MFF: variants seen among roughly 807,000 people sequenced by gnomAD.
The protein encoded by MFF is mitochondrial fission factor, also known as chromosome 2 open reading frame 33.
A neutral mutation model predicts 36.9 loss-of-function variants in MFF; 12 were observed. The ratio of observed to expected loss-of-function variants is 0.33; its 90% CI spans 0.21 to 0.53. The LOEUF (loss-of-function observed/expected upper bound fraction) is 0.53. MFF is among the 20% of genes least tolerant of loss of function. MFF has a pLI of 0.95. For synonymous variants in MFF, 99 were observed against 126.2 expected, an observed-to-expected ratio of 0.78 and a Z score of 1.44; for missense variants, 348 against 366.6, an observed-to-expected ratio of 0.95 and a Z score of 0.42.
intron 5 of MFF, chr2:227,342,667 A>G: frequency 8.2e-7 from 1 of 1,215,120 alleles, no homozygotes; most frequent in Non-Finnish European, 1.2e-6. Context: ...AGTGAATTCT[A>G]AACAGTAAAA....
chr2:227,330,821 A>C lies in MFF; in HGVS notation c.156A>C (p.Gln52His), dbSNP rs138259047. The C allele has an allele frequency of 1.4e-5, 23 of 1,614,034 alleles. No individual in the cohort carries two copies. The African/African-American group carries it at 3.1e-4, about 22-fold the overall frequency. ...EGVPNASVIM[Q>H]VPERIVVAGN... ...TTCCAAATGCTAGTGTGATAATGCA[A>C]GTTCCGGAGAGGATTGTTGTAGCAG... The change falls in exon 3 of 9, where the codon CAA (glutamine) becomes CAC (histidine). Residue 52 changes from glutamine (Q) to histidine (H), a missense_variant. Coordinates refer to ENST00000304593, the MANE Select transcript of MFF (RefSeq NM_001277062.2).
intron 4 of MFF, among the ~76,000 whole-genome samples, chr2:227,338,602 C>T (rs1457606850): frequency 6.6e-6 from 1 of 150,608 alleles, no homozygotes; most frequent in East Asian, 2.0e-4. Context: ...GAGGCTGAGG[C>T]AGCCAAATCA....
At chr2:227,345,238 A>G (rs2075645072) in intron 5 of MFF, among the ~76,000 whole-genome samples, 1 of 152,196 alleles carries the variant, frequency 6.6e-6, no homozygotes, top group African/African-American at 2.4e-5. Context: ...TTTCTCTTAG[A>G]GGAAGTAACC....
At chr2:227,354,069 A>C (rs2076140329) in intron 7 of MFF, among the ~76,000 whole-genome samples, 1 of 152,180 alleles carries the variant, frequency 6.6e-6, no homozygotes, top group Non-Finnish European at 1.5e-5. Context: ...TAACTGCTCC[A>C]GGTTGTTTAC....
At chr2:227,329,933 A>AAC (rs2074452079) in intron 2 of MFF, 1 of 516,702 alleles carries the variant, frequency 1.9e-6, no homozygotes, top group East Asian at 3.3e-5. Context: ...TAAAAAAAAA[A>AAC]ACACATGTAA....
At chr2:227,346,450 G>T (rs1172091220) in intron 5 of MFF, 1 of 157,962 alleles carries the variant, frequency 6.3e-6, no homozygotes, top group East Asian at 1.9e-4. Flanking sequence ...GAAAGCACTG[G>T]CAGGGGAGTC....
intron 5 of MFF, among the ~76,000 whole-genome samples, chr2:227,341,288 G>T (rs2075376324): frequency 7.0e-5 from 1 of 14,276 alleles, no homozygotes. Context: ...GGTAGAGAGA[G>T]GTTTTTTTTT....
intron 7 of MFF, among the ~76,000 whole-genome samples, chr2:227,354,556 T>C (rs1575003311): frequency 6.6e-6 from 1 of 152,208 alleles, no homozygotes; most frequent in South Asian, 2.1e-4. Flanking sequence ...AAGCTATTAA[T>C]TAAACTAAAT....
Position 227,357,083 on chromosome 2 carries a change from G to T in MFF, c.842G>T (p.Trp281Leu). 6.2e-7 allele frequency: 1 copy of T among 1,612,308 alleles called. No homozygotes were observed. The highest frequency in any genetic ancestry group is 1.1e-5 in the South Asian group (1 of 91,004). ...MVMYSITVAF[W>L]LLNSWLWFRR Reference sequence around the variant, plus strand: ...ATGTATTCAATTACTGTAGCTTTCTGGCTGCTTAATAGCTGGCTCTGGTTT... The same window carrying T: ...ATGTATTCAATTACTGTAGCTTTCTTGCTGCTTAATAGCTGGCTCTGGTTT... Residue 281 changes from tryptophan (W) to leucine (L), a missense_variant, in exon 9 of 9, where the codon TGG becomes TTG. By Grantham distance (61) the Trp-to-Leu change is moderately conservative. Transcript: ENST00000304593.
intron 5 of MFF, among the ~76,000 whole-genome samples, chr2:227,342,440 T>G (rs1574951249): frequency 6.6e-6 from 1 of 152,186 alleles, no homozygotes; most frequent in African/African-American, 2.4e-5. Flanking sequence ...ATTAAAATAA[T>G]TATTAAACTC....
chr2:227,348,364 C>T (rs1414113313), intron 6 of MFF, among the ~76,000 whole-genome samples: 1 of 152,122 alleles, frequency 6.6e-6, no homozygotes, highest in Admixed American at 6.6e-5. Flanking sequence ...GTCCATGCTA[C>T]TTATCATTGT....
At chr2:227,327,238 G>A (rs900213727) in intron 1 of MFF, among the ~76,000 whole-genome samples, 1 of 152,052 alleles carries the variant, frequency 6.6e-6, no homozygotes, top group African/African-American at 2.4e-5. Context: ...ACTGGGCTTA[G>A]AAAGTAGAAA....
intron 4 of MFF, among the ~76,000 whole-genome samples, chr2:227,339,448 G>A (rs576544817): frequency 1.3e-5 from 2 of 152,296 alleles, no homozygotes; most frequent in East Asian, 3.9e-4. Context: ...CTCAACAGCT[G>A]GATCTGCAGT....
At chr2:227,342,879 T>C in intron 5 of MFF, 1 of 1,403,136 alleles carries the variant, frequency 7.1e-7, no homozygotes, top group African/African-American at 1.4e-5. Flanking sequence ...AGGATTATGT[T>C]AATACTAATC....
intron 8 of MFF, among the ~76,000 whole-genome samples, chr2:227,356,063 C>A (rs1214086239): frequency 6.6e-6 from 1 of 152,102 alleles, no homozygotes; most frequent in East Asian, 1.9e-4. Flanking sequence ...TACTTTGGAA[C>A]CTTTGTTACT....
intron 5 of MFF, among the ~76,000 whole-genome samples, chr2:227,343,971 A>G (rs992826207): frequency 2.0e-5 from 3 of 152,136 alleles, no homozygotes; most frequent in African/African-American, 7.2e-5. Context: ...TATTTTTAGT[A>G]GAGACAGGGT....
chr2:227,340,253 A>T, intron 4 of MFF, 39 bp from the exon 5 acceptor site: 1 of 1,535,550 alleles, frequency 6.5e-7, no homozygotes, highest in Non-Finnish European at 9.0e-7. Flanking sequence ...GCCTACTAAG[A>T]ATATTTCTAT....
intron 6 of MFF, among the ~76,000 whole-genome samples, chr2:227,349,044 G>A (rs1178677214): frequency 1.3e-5 from 2 of 152,112 alleles, no homozygotes; most frequent in African/African-American, 2.4e-5. Flanking sequence ...AGATTATTAG[G>A]TGCGAGTATA....
Position 227,356,898 on chromosome 2 carries a change from T to G in MFF, c.745-88T>G. 3 of 1,046,678 alleles carry G rather than the reference T, an allele frequency of 2.9e-6. No individual in the cohort carries two copies. The South Asian group carries it at 5.6e-5, about 19-fold the overall frequency. The allele number at this position is 1,046,678 out of a possible 1,614,324, so 64.8% of individuals were successfully genotyped here. ...TGTAATAATACTTTTGTTGACAAAT[T>G]ATTATACTACTTACTTTATAAGAAT... On this transcript the variant is annotated intron_variant, in intron 8 of 8. Transcript: ENST00000304593.
Sources: allele counts gnomAD v4.1 joint callset (sites outside exome capture counted in the v4.1 genomes callset), GRCh38; gene constraint gnomAD v4.1.1; transcripts MANE v1.5; gene names NCBI Gene and HGNC (gene_info 2026-07-23, HGNC 2026-07-21).